The following PCDHGA4 variants were observed in gnomAD, a reference collection of about 807,000 sequenced individuals.
PCDHGA4 encodes protocadherin gamma-A4.
Under a neutral mutation model 54.6 loss-of-function variants are expected in PCDHGA4, and 38 were observed. The ratio of observed to expected loss-of-function variants is 0.70; its 90% CI spans 0.54 to 0.91. The LOEUF is 0.91. Among genes scored for constraint, PCDHGA4 ranks in the 40% least tolerant of loss-of-function variants. PCDHGA4 has a pLI of 0.00. For synonymous variants in PCDHGA4, 511 were observed against 512.9 expected, an observed-to-expected ratio of 1.00 and a Z score of 0.05; for missense variants, 1,298 against 1,220.9, an observed-to-expected ratio of 1.06 and a Z score of -0.94.
At position 141,481,880 on chromosome 5, in the gene PCDHGA4, C is replaced by T. The variant is rs555652518; in HGVS notation, c.2515-12927C>T. Among the ~76,000 whole-genome samples, 5 of 145,406 alleles carry T rather than the reference C, an allele frequency of 3.4e-5. No individual in the cohort carries two copies. The East Asian group carries it at 1.0e-3, about 29-fold the overall frequency. On this transcript the variant is annotated intron_variant, in intron 1 of 3. Transcript: ENST00000571252. ...AGTGAGCCGAGATCGCGCCACTGCA[C>T]TCCAGCCTGGGTGAAAGAGCGAAAC...
intron 1 of PCDHGA4, chr5:141,388,316 G>A: frequency 6.2e-7 from 1 of 1,613,866 alleles, no homozygotes; most frequent in South Asian, 1.1e-5. Flanking sequence ...AAATAAGTGA[G>A]TCTGCACAGC....
At position 141,511,516 on chromosome 5, in the gene PCDHGA4, T is replaced by A. The variant is rs2099883825; in HGVS notation, c.*343T>A. ...CTTCCAAATCAATCAGGCCCATCCA[T>A]CCCATGCCTCCCTCCTCCCCACCCC... is the stretch of plus-strand genomic sequence containing the variant. On this transcript the variant is annotated 3_prime_UTR_variant, in exon 4 of 4. Transcript: ENST00000571252. 1 of 365,020 alleles carries A rather than the reference T, an allele frequency of 2.7e-6. No individual in the cohort carries two copies. Among genetic ancestry groups the A allele is most frequent in the Admixed American group, 4.0e-5 (1 of 25,162 alleles). The allele number at this position is 365,020 out of a possible 1,614,324, so 22.6% of individuals were successfully genotyped here.
intron 1 of PCDHGA4, among the ~76,000 whole-genome samples, chr5:141,439,371 TA>T (rs1008614540): frequency 7.2e-5 from 11 of 152,034 alleles, no homozygotes; most frequent in Non-Finnish European, 1.0e-4. Flanking sequence ...CAAGAAGAAA[TA>T]AAAATAAGTC....
chr5:141,366,450 T>C, intron 1 of PCDHGA4: 6 of 1,614,230 alleles, frequency 3.7e-6, no homozygotes, highest in Non-Finnish European at 5.1e-6. Flanking sequence ...TTCCTGGCCT[T>C]CGTCATCGTG....
chr5:141,473,382 C>T (rs780229708), intron 1 of PCDHGA4, among the ~76,000 whole-genome samples: 3 of 152,190 alleles, frequency 2.0e-5, no homozygotes, highest in Non-Finnish European at 4.4e-5. Context: ...TGGTCCCTGC[C>T]CTCCTGGAGC....
At chr5:141,496,268 G>T (rs1237681971) in intron 2 of PCDHGA4, among the ~76,000 whole-genome samples, 1 of 152,208 alleles carries the variant, frequency 6.6e-6, no homozygotes, top group Non-Finnish European at 1.5e-5. Flanking sequence ...TCAGCAGAAA[G>T]ACCTTCAGTT....
In PCDHGA4 at chr5:141,409,485, G is replaced by A. The variant is rs374642418; in HGVS notation, c.2514+51864G>A. On this transcript the variant is annotated intron_variant, in intron 1 of 3. Coordinates refer to ENST00000571252, the MANE Select transcript of PCDHGA4 (RefSeq NM_018917.4). ...GTCACCATCGTAGCCACTGACAGGG[G>A]CAAGCCGCCTCTTTCTTCCAGTAGA... 9.9e-6 allele frequency: 16 copies of A among 1,613,856 alleles called. No homozygotes were observed. Among genetic ancestry groups the A allele is most frequent in the African/African-American group, 9.3e-5 (7 of 74,934 alleles).
chr5:141,415,577 C>T (rs776744277), intron 1 of PCDHGA4: 3 of 1,613,744 alleles, frequency 1.9e-6, no homozygotes, highest in East Asian at 4.5e-5. Context: ...TTAGATGATT[C>T]GAAGTTTCCT....
At chr5:141,428,532 C>T (rs1561836699) in intron 1 of PCDHGA4, 7 of 277,518 alleles carry the variant, frequency 2.5e-5, no homozygotes, top group Non-Finnish European at 5.0e-5. Context: ...TTAATTTTCT[C>T]ACCATGACAC....
In PCDHGA4 at chr5:141,431,024, A is replaced by G; in HGVS notation, c.2515-63783A>G. ...CAGCGGCAGCTTGGTCACGGCGGGCAGGATAGACCGGGAGGAGCTCTGTAT... is the reference window on the plus strand; with the variant it reads ...CAGCGGCAGCTTGGTCACGGCGGGCGGGATAGACCGGGAGGAGCTCTGTAT... On this transcript the variant is annotated intron_variant, in intron 1 of 3. Transcript: ENST00000571252. The surrounding 1 kb of genome is among the most constrained non-coding windows in gnomAD (Gnocchi z 4.8). 2.5e-6 allele frequency: 4 copies of G among 1,614,024 alleles called. No homozygotes were observed. The highest frequency in any genetic ancestry group is 3.4e-6 in the Non-Finnish European group (4 of 1,179,926).
Position 141,379,889 on chromosome 5 carries a change from C to CTTTTTTTTTTTTTTTTTTTTTTTTTTT in PCDHGA4, c.2514+22272_2514+22298dup, listed in dbSNP as rs70988800. Among the ~76,000 whole-genome samples the CTTTTTTTTTTTTTTTTTTTTTTTTTTT allele has an allele frequency of 2.4e-4, 12 of 50,832 alleles. 1 individual carries two copies. The highest frequency in any genetic ancestry group is 4.0e-4 in the African/African-American group (6 of 15,086). 33.3% of individuals were successfully genotyped at this position (50,832 alleles called of 152,430 possible). A position where few individuals can be genotyped will look rare whatever the true frequency, so the allele number is the denominator to read the frequency against. On this transcript the variant is annotated intron_variant, in intron 1 of 3. Coordinates refer to ENST00000571252, the MANE Select transcript of PCDHGA4 (RefSeq NM_018917.4). ...CTTATTTTATGGTCTGTGAAAGCCT[C>CTTTTTTTTTTTTTTTTTTTTTTTTTTT]TTTTTTTTTTTTTTTTTTTTTTTTT...
At chr5:141,506,306 G>A (rs539365378) in intron 3 of PCDHGA4, among the ~76,000 whole-genome samples, 4 of 152,040 alleles carry the variant, frequency 2.6e-5, no homozygotes, top group Non-Finnish European at 5.9e-5. Flanking sequence ...AAAATTAGCT[G>A]GGCATGGTGG....
At chr5:141,387,770 T>A in intron 1 of PCDHGA4, 1 of 1,438,412 alleles carries the variant, frequency 7.0e-7, no homozygotes, top group Non-Finnish European at 9.2e-7. Flanking sequence ...AAGAATTTTT[T>A]CTTGAACTGG....
At chr5:141,360,474 A>G (rs1207223799) in intron 1 of PCDHGA4, 1 of 1,613,864 alleles carries the variant, frequency 6.2e-7, no homozygotes, top group African/African-American at 1.3e-5. Context: ...CTGAAAATCC[A>G]CTAAATATTT....
intron 1 of PCDHGA4, among the ~76,000 whole-genome samples, chr5:141,483,526 G>A (rs2099582495): frequency 6.6e-6 from 1 of 152,118 alleles, no homozygotes; most frequent in African/African-American, 2.4e-5. Flanking sequence ...TCCTGACTAA[G>A]GAAGCTGGGT....
Position 141,454,782 on chromosome 5 carries a change from C to A in PCDHGA4, c.2515-40025C>A, listed in dbSNP as rs116242508. On this transcript the variant is annotated intron_variant, in intron 1 of 3. Transcript: ENST00000571252. ...GACATGTTTTTTACAAGGAAATAAT[C>A]CTCCATGGTTCTAATTTTTTTTTTT... is the stretch of plus-strand genomic sequence containing the variant. 8.4e-3 allele frequency among the ~76,000 whole-genome samples: 1,205 copies of A among 143,216 alleles called. 20 individuals are homozygous for A. Among genetic ancestry groups the A allele is most frequent in the African/African-American group, 0.03 (1,150 of 37,952 alleles). The allele number at this position is 143,216 out of a possible 152,430, so 94.0% of individuals were successfully genotyped here. A position where few individuals can be genotyped will look rare whatever the true frequency, so the allele number is the denominator to read the frequency against.
At chr5:141,378,339 A>G (rs62378424) in intron 1 of PCDHGA4, 5,525 of 152,288 alleles carry the variant, frequency 0.036, 122 homozygotes, top group Middle Eastern at 0.092. Flanking sequence ...CCTGACCAAC[A>G]TGGTGAAACC....
intron 1 of PCDHGA4, chr5:141,366,743 C>CGAGTT: frequency 6.2e-7 from 1 of 1,611,598 alleles, no homozygotes; most frequent in Non-Finnish European, 8.5e-7. Flanking sequence ...AGAAGAACGG[C>CGAGTT]GAGTTCAGGT....
rs758579068 is a variant in PCDHGA4, at chr5:141,485,232, T to C, written c.2515-9575T>C. 6.2e-7 allele frequency: 1 copy of C among 1,614,136 alleles called. No individual in the cohort carries two copies. The highest frequency in any genetic ancestry group is 8.5e-7 in the Non-Finnish European group (1 of 1,180,016). Reference sequence around the variant, plus strand: ...TGGCGGTGGGCTACCCTTTTGTTCCTCTTTTACCACCTGGGTTACGTTTGT... The same window carrying C: ...TGGCGGTGGGCTACCCTTTTGTTCCCCTTTTACCACCTGGGTTACGTTTGT... On this transcript the variant is annotated intron_variant, in intron 1 of 3. Coordinates refer to ENST00000571252, the MANE Select transcript of PCDHGA4 (RefSeq NM_018917.4). This position sits in a 1 kb window ranked among gnomAD's most constrained non-coding sequence, Gnocchi z 5.7.
Sources: gnomAD v4.1 joint callset for allele counts (sites outside exome capture counted in the v4.1 genomes callset) on GRCh38, gnomAD v4.1.1 for gene constraint, Gnocchi (gnomAD v3.1) non-coding constraint, MANE v1.5 for transcripts, NCBI Gene and HGNC (gene_info 2026-07-23, HGNC 2026-07-21) for gene names.